Variants in ERCC6 observed in about 807,000 individuals in gnomAD.
ERCC6 encodes the protein DNA excision repair protein ERCC-6.
In ERCC6, 116 loss-of-function variants were observed where a neutral mutation model predicts 158.7. That is an observed-to-expected ratio of 0.73 (90% CI 0.63 to 0.85). The LOEUF (loss-of-function observed/expected upper bound fraction) is 0.85. ERCC6 is among the 40% of genes least tolerant of loss of function. The pLI, the probability that ERCC6 is intolerant of heterozygous loss-of-function variation, is 0.00. For synonymous variants in ERCC6, 678 were observed against 659.3 expected, an observed-to-expected ratio of 1.03 and a Z score of -0.43; for missense variants, 1,698 against 1,799.4, an observed-to-expected ratio of 0.94 and a Z score of 1.02.
chr10:49,458,749 TAATA>T lies in ERCC6; in HGVS notation c.*62_*65del. The T allele has an allele frequency of 2.0e-6, 3 of 1,496,946 alleles. No individual in the cohort carries two copies. The highest frequency in any genetic ancestry group is 2.8e-6 in the Non-Finnish European group (3 of 1,076,790). 92.7% of individuals were successfully genotyped at this position (1,496,946 alleles called of 1,614,324 possible). ...TTCCATTGACAAACATGATTATTAA[TAATA>T]AATTAATAATCAGAAATGCCCGTTA... On this transcript the variant is annotated 3_prime_UTR_variant, in exon 21 of 21. Transcript: ENST00000355832.
chr10:49,499,450 G>T (rs947755616), intron 7 of ERCC6, among the ~76,000 whole-genome samples: 2 of 152,208 alleles, frequency 1.3e-5, no homozygotes, highest in Non-Finnish European at 1.5e-5. Flanking sequence ...CGCTGCTGAT[G>T]AGCTGGAGAG....
the ERCC6 span, among the ~76,000 whole-genome samples, chr10:49,439,512 G>A: frequency 6.6e-6 from 1 of 152,254 alleles, no homozygotes; most frequent in Admixed American, 6.5e-5. Context: ...CTTCGGGCCT[G>A]TGATAGGAGG....
At chr10:49,476,426 A>T in intron 11 of ERCC6, 116 bp from the exon 12 acceptor site, 1 of 695,468 alleles carries the variant, frequency 1.4e-6, no homozygotes, top group South Asian at 1.6e-5. Flanking sequence ...TTTTAATGAT[A>T]TCCCTATTAT....
intron 12 of ERCC6, 120 bp downstream of exon 12, chr10:49,476,095 G>A: frequency 1.3e-6 from 1 of 760,066 alleles, no homozygotes. Flanking sequence ...GGGACTTCAT[G>A]CAAGTGAAGT....
chr10:49,514,844 A>T (rs1319725237), intron 5 of ERCC6, among the ~76,000 whole-genome samples: 2 of 152,200 alleles, frequency 1.3e-5, no homozygotes, highest in Non-Finnish European at 2.9e-5. Context: ...GATTAGTCTA[A>T]TTTGCTAAAT....
chr10:49,526,232 T>C (rs1837337571), intron 4 of ERCC6, among the ~76,000 whole-genome samples: 1 of 149,602 alleles, frequency 6.7e-6, no homozygotes, highest in Admixed American at 6.7e-5. Flanking sequence ...CCCCATCAAC[T>C]GTGTCAGAAA....
At position 49,472,935 on chromosome 10, in the gene ERCC6, C is replaced by T; in HGVS notation, c.2803G>A (p.Asp935Asn). 1 of 1,614,018 alleles carries T rather than the reference C, an allele frequency of 6.2e-7. No individual in the cohort carries two copies. Residue 935 changes from aspartate (D) to asparagine (N), a missense_variant, in exon 15 of 21, where the codon GAC (aspartate) becomes AAC (asparagine). Physicochemically the swap from Asp to Asn is conservative, Grantham distance 23 (BLOSUM62 1). Transcript: ENST00000355832. ...GANRVVIYDP[D>N]WNPSTDTQAR... ...TGCGTGTCCGTGCTTGGGTTCCAGT[C>T]TGGGTCATAGATGACAACTCTGTTT...
chr10:49,468,128 T>C (rs915523982), intron 18 of ERCC6, among the ~76,000 whole-genome samples: 9 of 152,204 alleles, frequency 5.9e-5, no homozygotes, highest in African/African-American at 2.2e-4. Flanking sequence ...TTCGAAAAGT[T>C]AAAGAGGAAA....
rs1837245224 is a variant in ERCC6 at position 49,524,065 on chromosome 10, A to G, written c.1365T>C (p.Asp455=). 1 of 1,613,316 alleles carries G rather than the reference A, an allele frequency of 6.2e-7. No homozygotes were observed. Among genetic ancestry groups the G allele is most frequent in the South Asian group, 1.1e-5 (1 of 91,034 alleles). The change falls in exon 5 of 21, where the codon GAT becomes GAC. Residue 455 remains aspartate, a synonymous_variant. Coordinates refer to ENST00000355832, the MANE Select transcript of ERCC6 (RefSeq NM_000124.4). ...GGRKVGRYRD[D]GDEDYYKQRL... ...GCTGCTTATAATAATCTTCATCTCC[A>G]TCATCTCGGTATCTTCCCACTTTCC...
At chr10:49,483,260 T>C (rs1224155050) in intron 9 of ERCC6, 86 bp downstream of exon 9, 10 of 1,363,342 alleles carry the variant, frequency 7.3e-6, no homozygotes, top group East Asian at 2.3e-5. Context: ...AAAGATTCAA[T>C]AAATGTGTTA....
chr10:49,451,617 T>C (rs780867866), downstream of ERCC6, among the ~76,000 whole-genome samples: 6 of 152,228 alleles, frequency 3.9e-5, no homozygotes, highest in South Asian at 2.1e-4. Flanking sequence ...GGATAAATCC[T>C]ACTTGGTGAT....
At chr10:49,468,826 A>G (rs1590404167) in intron 18 of ERCC6, among the ~76,000 whole-genome samples, 1 of 152,242 alleles carries the variant, frequency 6.6e-6, no homozygotes, top group East Asian at 1.9e-4. Flanking sequence ...AATTGAGCTC[A>G]GCATATATTA....
At chr10:49,519,640 G>A (rs1210215796) in intron 5 of ERCC6, among the ~76,000 whole-genome samples, 1 of 152,172 alleles carries the variant, frequency 6.6e-6, no homozygotes, top group Non-Finnish European at 1.5e-5. Context: ...TGATCGGGGT[G>A]GGCATGGGTC....
chr10:49,518,254 G>GC (rs1837045541), intron 5 of ERCC6, among the ~76,000 whole-genome samples: 1 of 152,170 alleles, frequency 6.6e-6, no homozygotes, highest in Admixed American at 6.5e-5. Flanking sequence ...GTTGGAGTTG[G>GC]CCCCCATCAA....
chr10:49,532,689 C>G lies in ERCC6; in HGVS notation c.276G>C (p.Leu92=), dbSNP rs1837498240. Residue 92 remains leucine, a synonymous_variant, in exon 2 of 21, where the codon CTG becomes CTC. Transcript: ENST00000355832. ...AVEPSAQALE[L]QGLGVDVYDQ... ...CATAGACGTCCACACCCAAACCCTG[C>G]AGCTCAAGGGCCTGGGCGCTAGGCT... The G allele has an allele frequency of 6.2e-7, 1 of 1,614,222 alleles. No homozygotes were observed.
downstream of ERCC6, among the ~76,000 whole-genome samples, chr10:49,449,560 C>CTTTTTTTT (rs71026248): frequency 1.0e-3 from 68 of 68,064 alleles, 10 homozygotes; most frequent in African/African-American, 4.0e-3. Context: ...ATAGTTAGGT[C>CTTTTTTTT]TTTTTTTTTT....
rs754282069 is a variant in ERCC6 at position 49,483,409 on chromosome 10, C to T, written c.1929G>A (p.Val643=). 1.2e-6 allele frequency: 2 copies of T among 1,614,144 alleles called. No individual in the cohort carries two copies. The highest frequency in any genetic ancestry group is 2.2e-5 in the South Asian group (2 of 91,082). ...GAATTTTGTGTCCTTCGTCCAAGAT[C>T]ACATAGTGCCAGTCATACCTGCTAA... ...DDISRYDWHY[V]ILDEGHKIRN... The change falls in exon 9 of 21, where the codon GTG becomes GTA. Residue 643 remains valine, a synonymous_variant. Coordinates refer to ENST00000355832, the MANE Select transcript of ERCC6 (RefSeq NM_000124.4).
Position 49,458,980 on chromosome 10 carries a change from G to A in ERCC6, c.4317C>T (p.Ala1439=), listed in dbSNP as rs200254508. ...TGGTGCTGGCCTGGCCATCAGTGTGGGCCTGGAAAGCGATGAAGTTTCTCA... is the reference window on the plus strand; with the variant it reads ...TGGTGCTGGCCTGGCCATCAGTGTGAGCCTGGAAAGCGATGAAGTTTCTCA... ...VEMRNFIAFQ[A]HTDGQASTRE... The change falls in exon 21 of 21, where the codon GCC becomes GCT. Residue 1439 remains alanine, a synonymous_variant. Coordinates refer to ENST00000355832, the MANE Select transcript of ERCC6 (RefSeq NM_000124.4). The A allele has an allele frequency of 1.1e-4, 172 of 1,614,008 alleles. No individual in the cohort carries two copies. Among genetic ancestry groups the A allele is most frequent in the Non-Finnish European group, 1.4e-4 (166 of 1,180,040 alleles).
At chr10:49,463,716 T>C (rs921209667) in intron 18 of ERCC6, among the ~76,000 whole-genome samples, 29 of 152,186 alleles carry the variant, frequency 1.9e-4, no homozygotes, top group Admixed American at 1.6e-3. Flanking sequence ...TCCTACACTG[T>C]TCTCATGAGT....
Sources: gnomAD v4.1 joint callset for allele counts (sites outside exome capture counted in the v4.1 genomes callset) on GRCh38, gnomAD v4.1.1 for gene constraint, MANE v1.5 for transcripts, NCBI Gene and HGNC (gene_info 2026-07-23, HGNC 2026-07-21) for gene names.